The following ENAH variants were observed in gnomAD, a reference collection of about 807,000 sequenced individuals.
The protein encoded by ENAH is protein enabled homolog.
In ENAH, 23 loss-of-function variants were observed where a neutral mutation model predicts 78.7. The observed-to-expected ratio is 0.29, with a 90% CI of 0.21 to 0.41. The LOEUF (loss-of-function observed/expected upper bound fraction) is 0.41. Ranked by LOEUF, ENAH falls within the 10% of genes least tolerant of loss-of-function variation. ENAH has a pLI of 1.00. For synonymous variants in ENAH, 226 were observed against 241.0 expected (o/e 0.94, Z 0.58); for missense variants, 544 against 691.0 (o/e 0.79, Z 2.39).
chr1:225,622,809 C>T (rs899738768), intron 1 of ENAH, among the ~76,000 whole-genome samples: 16 of 152,158 alleles, frequency 1.1e-4, no homozygotes, highest in African/African-American at 3.1e-4. Context: ...GACATAACCA[C>T]AAGCCTTAAG....
intron 11 of ENAH, among the ~76,000 whole-genome samples, chr1:225,503,241 G>C (rs1457900456): frequency 6.6e-6 from 1 of 151,982 alleles, no homozygotes; most frequent in Non-Finnish European, 1.5e-5. Flanking sequence ...ATTATCCCAG[G>C]GGGTACTATG....
At chr1:225,518,011 A>C in intron 5 of ENAH, 1 of 1,527,364 alleles carries the variant, frequency 6.5e-7, no homozygotes, top group Non-Finnish European at 8.8e-7. Context: ...GGTGGAAAGC[A>C]GCAGCAAAAG....
chr1:225,525,544 T>A (rs1283016898), intron 4 of ENAH, among the ~76,000 whole-genome samples: 5 of 152,174 alleles, frequency 3.3e-5, no homozygotes, highest in African/African-American at 1.2e-4. Context: ...GTCGGGAGCC[T>A]TCAGCCCTCC....
intron 1 of ENAH, among the ~76,000 whole-genome samples, chr1:225,601,425 A>G (rs1054752409): frequency 2.6e-5 from 4 of 151,906 alleles, no homozygotes; most frequent in African/African-American, 9.7e-5. Flanking sequence ...GGCTGAGGCA[A>G]GAGAATGGCG....
intron 1 of ENAH, among the ~76,000 whole-genome samples, chr1:225,584,639 C>T (rs77293402): frequency 0.043 from 6,610 of 152,154 alleles, 235 homozygotes; most frequent in South Asian, 0.12. Flanking sequence ...CAATTACATG[C>T]TGCCCACAGA....
At chr1:225,625,435 AAAAG>A (rs1185923224) in intron 1 of ENAH, among the ~76,000 whole-genome samples, 3 of 152,336 alleles carry the variant, frequency 2.0e-5, no homozygotes, top group African/African-American at 7.2e-5. Context: ...TCTTTTTAAA[AAAAG>A]AAGTCGTGCA....
intron 1 of ENAH, among the ~76,000 whole-genome samples, chr1:225,628,694 T>C (rs908040312): frequency 2.6e-5 from 4 of 151,356 alleles, no homozygotes; most frequent in Non-Finnish European, 5.9e-5. Context: ...GCAGATCACC[T>C]GAGGTCAGGA....
chr1:225,516,564 C>T (rs1179125507), intron 6 of ENAH, among the ~76,000 whole-genome samples: 1 of 152,110 alleles, frequency 6.6e-6, no homozygotes, highest in Non-Finnish European at 1.5e-5. Flanking sequence ...ACGTGTCAAG[C>T]AAAGTTTTCC....
At chr1:225,646,701 AT>A (rs1343093555) in intron 1 of ENAH, among the ~76,000 whole-genome samples, 1 of 151,984 alleles carries the variant, frequency 6.6e-6, no homozygotes, top group Non-Finnish European at 1.5e-5. Flanking sequence ...AGGCAGGAGA[AT>A]GGTGTGAACC....
intron 2 of ENAH, among the ~76,000 whole-genome samples, chr1:225,562,048 G>C (rs1175286962): frequency 6.6e-6 from 1 of 152,014 alleles, no homozygotes; most frequent in Non-Finnish European, 1.5e-5. Context: ...TCAGCCTCCT[G>C]AGTAGCTGGG....
At chr1:225,631,409 TA>T (rs745707244) in intron 1 of ENAH, among the ~76,000 whole-genome samples, 355 of 133,350 alleles carry the variant, frequency 2.7e-3, no homozygotes, top group Middle Eastern at 3.9e-3. Context: ...GTCTCTACTA[TA>T]AAAAAAAAAA....
At chr1:225,650,683 T>C (rs1000574009) in intron 1 of ENAH, among the ~76,000 whole-genome samples, 1 of 151,676 alleles carries the variant, frequency 6.6e-6, no homozygotes, top group Admixed American at 6.6e-5. Context: ...ACCCCGTCTC[T>C]ACTAAAAATA....
rs1487935389 is a variant in ENAH, at chr1:225,519,445, T to A, written c.555A>T (p.Arg185=). 2 of 1,613,344 alleles carry A rather than the reference T, an allele frequency of 1.2e-6. No homozygotes were observed. Among genetic ancestry groups the A allele is most frequent in the South Asian group, 2.2e-5 (2 of 91,054 alleles). Residue 185 remains arginine, a synonymous_variant, in exon 5 of 14, where the codon CGA becomes CGT. Transcript: ENST00000366843. ...RLERERLERE[R]LEQEQLERER... Reference sequence around the variant, plus strand: ...CTCTCTCCAGCTGTTCTTGTTCCAGTCGCTCCCTCTCCAGCCTTTCCCTTT... The same window carrying A: ...CTCTCTCCAGCTGTTCTTGTTCCAGACGCTCCCTCTCCAGCCTTTCCCTTT...
Position 225,488,162 on chromosome 1 carries a change from T to C in ENAH, c.*9613A>G, listed in dbSNP as rs567756919. The C allele has an allele frequency of 3.3e-4, 50 of 151,468 alleles. 1 individual carries two copies. Among genetic ancestry groups the C allele is most frequent in the African/African-American group, 1.1e-3 (44 of 41,354 alleles). The allele number at this position is 151,468 out of a possible 1,614,324, so 9.4% of individuals were successfully genotyped here. On this transcript the variant is annotated 3_prime_UTR_variant, in exon 14 of 14. Coordinates refer to ENST00000366843, the MANE Select transcript of ENAH (RefSeq NM_018212.6). ...GCACAATAGTCAAGGACAAGGTTTTTATTTATTTATTTATTTATTATTTAT... is the reference window on the plus strand; with the variant it reads ...GCACAATAGTCAAGGACAAGGTTTTCATTTATTTATTTATTTATTATTTAT...
Position 225,496,115 on chromosome 1 carries a change from T to C in ENAH, c.*1660A>G, listed in dbSNP as rs968488918. ...TGATAATCAGAGTTCAAAGCAAATATGGCACATAACAACTCAAGCATAAAT... is the reference window on the plus strand; with the variant it reads ...TGATAATCAGAGTTCAAAGCAAATACGGCACATAACAACTCAAGCATAAAT... On this transcript the variant is annotated 3_prime_UTR_variant, in exon 14 of 14. Transcript: ENST00000366843. 6.6e-6 allele frequency: 1 copy of C among 152,606 alleles called. No homozygotes were observed. Among genetic ancestry groups the C allele is most frequent in the African/African-American group, 2.4e-5 (1 of 41,458 alleles). The allele number at this position is 152,606 out of a possible 1,614,324, so 9.5% of individuals were successfully genotyped here.
At chr1:225,502,868 A>C (rs914467760) in intron 11 of ENAH, among the ~76,000 whole-genome samples, 3 of 152,226 alleles carry the variant, frequency 2.0e-5, no homozygotes, top group Non-Finnish European at 4.4e-5. Flanking sequence ...CTCTAGAATT[A>C]AACTATAATT....
intron 1 of ENAH, among the ~76,000 whole-genome samples, chr1:225,590,669 G>A (rs572123289): frequency 1.6e-4 from 24 of 152,092 alleles, no homozygotes; most frequent in Middle Eastern, 6.8e-3. Context: ...GAGTGCCCTA[G>A]ATGACTCCTC....
At chr1:225,570,894 C>T (rs2096758745) in intron 1 of ENAH, among the ~76,000 whole-genome samples, 1 of 151,830 alleles carries the variant, frequency 6.6e-6, no homozygotes, top group East Asian at 1.9e-4. Context: ...ACCTGGGAGG[C>T]AGAGGTTATG....
At chr1:225,551,778 G>A (rs2096641807) in intron 3 of ENAH, among the ~76,000 whole-genome samples, 1 of 152,118 alleles carries the variant, frequency 6.6e-6, no homozygotes, top group Non-Finnish European at 1.5e-5. Flanking sequence ...TTAACAAGTG[G>A]TAAAACATTA....
Sources: allele counts gnomAD v4.1 joint callset (sites outside exome capture counted in the v4.1 genomes callset), GRCh38; gene constraint gnomAD v4.1.1; transcripts MANE v1.5; gene names NCBI Gene and HGNC (gene_info 2026-07-23, HGNC 2026-07-21).